Variants in SLC22A9 observed in about 807,000 individuals in gnomAD.
SLC22A9 encodes the protein organic anion transporter 7.
SLC22A9 carries 64 observed loss-of-function variants against 50.1 expected under a neutral mutation model. The ratio of observed to expected loss-of-function variants is 1.28; its 90% confidence interval spans 1.04 to 1.57. The LOEUF (loss-of-function observed/expected upper bound fraction) is 1.57. Among genes scored for constraint, SLC22A9 ranks in the 40% most tolerant of loss-of-function variants. The pLI is 0.00. For missense variants in SLC22A9, 757 were observed against 676.1 expected (o/e 1.12, Z -1.33); for synonymous variants, 261 against 242.5 (o/e 1.08, Z -0.71).
chr11:63,406,398 C>T, intron 6 of SLC22A9, 99 bp from the exon 7 acceptor site: 1 of 1,066,906 alleles, frequency 9.4e-7, no homozygotes, highest in Non-Finnish European at 1.4e-6. Context: ...AGCCTTTATA[C>T]TTTAACAATC....
rs539824185 is a variant in SLC22A9, at chr11:63,373,635, G to C, written c.507-9G>C. ...TGTTCCCATTATCTAACCTGTTTCT[G>C]TTTCTCAGGTTTGGGAGAAGGTTCG... On this transcript the variant is annotated splice_polypyrimidine_tract_variant and intron_variant, in intron 2 of 9. Transcript: ENST00000279178. 1 of 1,528,128 alleles carries C rather than the reference G, an allele frequency of 6.5e-7. No individual in the cohort carries two copies. The highest frequency in any genetic ancestry group is 2.3e-5 in the East Asian group (1 of 42,928). 94.7% of individuals were successfully genotyped at this position (1,528,128 alleles called of 1,614,324 possible).
chr11:63,398,598 C>A (rs2014901031), intron 6 of SLC22A9, among the ~76,000 whole-genome samples: 1 of 152,184 alleles, frequency 6.6e-6, no homozygotes, highest in African/African-American at 2.4e-5. Flanking sequence ...TCCTCTGTGA[C>A]AGGGCAGCAC....
intron 6 of SLC22A9, among the ~76,000 whole-genome samples, chr11:63,404,322 G>A (rs1348416586): frequency 6.6e-6 from 1 of 152,044 alleles, no homozygotes; most frequent in Non-Finnish European, 1.5e-5. Context: ...GGACAGAGGG[G>A]AATAGGGAGT....
Position 63,370,001 on chromosome 11 carries a change from A to G in SLC22A9, c.-56A>G. The stretch of plus-strand genomic sequence containing the variant: ...GGAAAGAAAACATTTTCCCTCTTTG[A>G]ACCTCTCTGGATACAGTCATTTTGC... On this transcript the variant is annotated 5_prime_UTR_variant, in exon 1 of 10. Transcript: ENST00000279178. 6.6e-7 allele frequency: 1 copy of G among 1,524,744 alleles called. No homozygotes were observed. Among genetic ancestry groups the G allele is most frequent in the South Asian group, 1.3e-5 (1 of 78,276 alleles). 94.5% of individuals were successfully genotyped at this position (1,524,744 alleles called of 1,614,324 possible).
intron 6 of SLC22A9, among the ~76,000 whole-genome samples, chr11:63,383,937 T>C (rs2014612857): frequency 6.6e-6 from 1 of 151,842 alleles, no homozygotes; most frequent in Non-Finnish European, 1.5e-5. Flanking sequence ...TAGTCCCAGC[T>C]ACTTGGGAGG....
intron 6 of SLC22A9, among the ~76,000 whole-genome samples, chr11:63,384,727 C>T (rs2119919578): frequency 6.6e-6 from 1 of 152,300 alleles, no homozygotes; most frequent in South Asian, 2.1e-4. Flanking sequence ...CCATCTTCCA[C>T]AGTAGTCAGA....
intron 6 of SLC22A9, among the ~76,000 whole-genome samples, chr11:63,397,274 G>T (rs2014875884): frequency 6.6e-6 from 1 of 152,148 alleles, no homozygotes; most frequent in African/African-American, 2.4e-5. Context: ...CTGGGGGAGG[G>T]GTAACACAAG....
chr11:63,370,607 G>A lies in SLC22A9; in HGVS notation c.402+149G>A, dbSNP rs188554182. ...CTAATTGCTTCTTTATTAAATGTCT[G>A]ACACCTACACATTTTGAGTAATGAA... On this transcript the variant is annotated intron_variant, in intron 1 of 9. Transcript: ENST00000279178. 4.5e-5 allele frequency: 42 copies of A among 935,560 alleles called. No homozygotes were observed. In the African/African-American group the frequency reaches 7.0e-4, roughly 16 times the overall value. The allele number at this position is 935,560 out of a possible 1,614,324, so 58.0% of individuals were successfully genotyped here.
intron 4 of SLC22A9, among the ~76,000 whole-genome samples, chr11:63,374,494 T>C (rs2014425902): frequency 6.6e-6 from 1 of 152,134 alleles, no homozygotes; most frequent in South Asian, 2.1e-4. Context: ...ACTAAAACAT[T>C]TTCCTGCTTA....
intron 7 of SLC22A9, 70 bp downstream of exon 7, chr11:63,406,781 C>A (rs961238398): frequency 1.6e-5 from 24 of 1,491,742 alleles, no homozygotes; most frequent in Admixed American, 4.0e-5. Context: ...ACTTGTCACA[C>A]CTATCTGAAG....
intron 7 of SLC22A9, 76 bp from the exon 8 acceptor site, chr11:63,408,036 C>A: frequency 8.2e-7 from 1 of 1,218,956 alleles, no homozygotes; most frequent in East Asian, 2.4e-5. Flanking sequence ...CAATACAGTC[C>A]TTTTCACTTC....
rs527466571 is a variant in SLC22A9, at chr11:63,375,575, T to G, written c.831-70T>G. 4.8e-5 allele frequency: 75 copies of G among 1,566,640 alleles called. No individual in the cohort carries two copies. The South Asian group carries it at 7.8e-4, about 16-fold the overall frequency. On this transcript the variant is annotated intron_variant, in intron 4 of 9. Transcript: ENST00000279178. ...TATTAGCTTGGAGGGAGAAGACATC[T>G]TAAGAAAAAACTAATGTAAGAAATG...
At position 63,409,802 on chromosome 11, in the gene SLC22A9, G is replaced by T. The variant is rs761809523; in HGVS notation, c.1602G>T (p.Glu534Asp). 1 of 1,613,388 alleles carries T rather than the reference G, an allele frequency of 6.2e-7. No homozygotes were observed. The change falls in exon 10 of 10, where the codon GAG becomes GAT. Residue 534 changes from glutamate (E) to aspartate (D), a missense_variant and splice_region_variant. Physicochemically the swap from Glu to Asp is conservative, Grantham distance 45. Transcript: ENST00000279178. ...LFDTIQDEKN[E>D]RKDPREPKQE... ...GTTGGTTTCTTTGTATTTGTTCTAG[G>T]AGAAAAGACCCCAGAGAACCAAAGC...
At chr11:63,400,611 C>A (rs1307716281) in intron 6 of SLC22A9, among the ~76,000 whole-genome samples, 2 of 152,046 alleles carry the variant, frequency 1.3e-5, no homozygotes, top group Non-Finnish European at 2.9e-5. Context: ...ACCTATTGTA[C>A]ACAAACTATT....
intron 5 of SLC22A9, 59 bp downstream of exon 5, chr11:63,375,827 T>G: frequency 6.3e-7 from 1 of 1,590,138 alleles, no homozygotes; most frequent in Non-Finnish European, 8.6e-7. Flanking sequence ...TCATCAATAC[T>G]TAGCAGTAGC....
At chr11:63,403,483 C>G (rs72928251) in intron 6 of SLC22A9, among the ~76,000 whole-genome samples, 7,949 of 152,178 alleles carry the variant, frequency 0.052, 287 homozygotes, top group African/African-American at 0.1. Flanking sequence ...AAACCTTGAA[C>G]TTTAAAAAAT....
At chr11:63,406,471 G>A (rs199631829) in intron 6 of SLC22A9, 26 bp from the exon 7 acceptor site, 7 of 1,594,462 alleles carry the variant, frequency 4.4e-6, no homozygotes, top group Admixed American at 1.7e-5. Flanking sequence ...ATTATAATAT[G>A]TTTCTTTCCT....
chr11:63,377,969 A>G (rs989031170), intron 5 of SLC22A9, among the ~76,000 whole-genome samples: 1 of 152,108 alleles, frequency 6.6e-6, no homozygotes, highest in Non-Finnish European at 1.5e-5. Flanking sequence ...TAATTCTTGT[A>G]AACATTCAAA....
intron 5 of SLC22A9, among the ~76,000 whole-genome samples, chr11:63,380,057 A>G (rs2014533515): frequency 6.6e-6 from 1 of 152,164 alleles, no homozygotes; most frequent in East Asian, 1.9e-4. Context: ...AAAAAAAGAC[A>G]TACACACAGC....
Sources: allele counts gnomAD v4.1 joint callset (sites outside exome capture counted in the v4.1 genomes callset), GRCh38; gene constraint gnomAD v4.1.1; transcripts MANE v1.5; gene names NCBI Gene and HGNC (gene_info 2026-07-23, HGNC 2026-07-21).